The following NUP214 variants were observed in gnomAD, a reference collection of about 807,000 sequenced individuals.
NUP214 encodes nuclear pore complex protein Nup214.
In NUP214, 79 loss-of-function variants were observed where a neutral mutation model predicts 196.2. The ratio of observed to expected loss-of-function variants is 0.40; its 90% CI spans 0.34 to 0.49. The LOEUF (loss-of-function observed/expected upper bound fraction) is 0.49, where lower values mean the gene tolerates loss of function less well. NUP214 is among the 20% of genes least tolerant of loss of function. NUP214 has a pLI of 0.58. For missense variants in NUP214, 2,468 were observed against 2,539.0 expected (o/e 0.97, Z 0.60); for synonymous variants, 1,020 against 990.5 (o/e 1.03, Z -0.56).
intron 15 of NUP214, 42 bp from the exon 16 acceptor site, chr9:131,150,574 T>G: frequency 1.2e-6 from 2 of 1,604,050 alleles, no homozygotes; most frequent in Non-Finnish European, 1.7e-6. Context: ...CATTACTGTT[T>G]GTCCTTCAGA....
rs545584275 is a variant in NUP214, at chr9:131,173,537, T to C, written c.2894-518T>C. Among the ~76,000 whole-genome samples, 27 of 151,200 alleles carry C rather than the reference T, an allele frequency of 1.8e-4. No individual in the cohort carries two copies. In the South Asian group the frequency reaches 5.6e-3, roughly 32 times the overall value. ...CTGACCCACTGCACCCAGTCTCTTG[T>C]ATTTTTTTTTTTTAAACCTAATTGT... is the stretch of plus-strand genomic sequence containing the variant. On this transcript the variant is annotated intron_variant, in intron 21 of 35. Coordinates refer to ENST00000359428, the MANE Select transcript of NUP214 (RefSeq NM_005085.4).
Position 131,144,430 on chromosome 9 carries a change from T to C in NUP214, c.1445T>C (p.Phe482Ser), listed in dbSNP as rs751880255. Reference sequence around the variant, plus strand: ...CCTGCTGGTGGAGCCCCCACTGTGTTCTCCTTTGGTTCTTCATCTTTGAAG... The same window carrying C: ...CCTGCTGGTGGAGCCCCCACTGTGTCCTCCTTTGGTTCTTCATCTTTGAAG... ...LLPAGGAPTV[F>S]SFGSSSLKSS... The change falls in exon 12 of 36, where the codon TTC becomes TCC. Residue 482 changes from phenylalanine to serine, a missense_variant. Coordinates refer to ENST00000359428, the MANE Select transcript of NUP214 (RefSeq NM_005085.4). 2 of 1,614,144 alleles carry C rather than the reference T, an allele frequency of 1.2e-6. No homozygotes were observed. The highest frequency in any genetic ancestry group is 1.7e-6 in the Non-Finnish European group (2 of 1,180,010).
chr9:131,194,205 C>CA (rs11463043), intron 27 of NUP214: 128,989 of 140,456 alleles, frequency 0.92, 59,731 homozygotes, highest in East Asian at 0.99. Flanking sequence ...GATTCTGTCT[C>CA]AAAAAAAAAA....
intron 32 of NUP214, among the ~76,000 whole-genome samples, chr9:131,227,486 A>C (rs1834753388): frequency 6.6e-6 from 1 of 152,150 alleles, no homozygotes; most frequent in African/African-American, 2.4e-5. Flanking sequence ...GCATTTAAAA[A>C]AAAAAAAACA....
At position 131,138,797 on chromosome 9, in the gene NUP214, A is replaced by G. The variant is rs1831816665; in HGVS notation, c.1006-484A>G. 2.6e-5 allele frequency among the ~76,000 whole-genome samples: 4 copies of G among 152,342 alleles called. No individual in the cohort carries two copies. In the South Asian group the frequency reaches 8.3e-4, roughly 32 times the overall value. On this transcript the variant is annotated intron_variant, in intron 9 of 35. Coordinates refer to ENST00000359428, the MANE Select transcript of NUP214 (RefSeq NM_005085.4). ...AAGGTTATCTCTGTCTCTATAGACG[A>G]GTGAGCGCAGGGCATCTGAGCACAG...
intron 21 of NUP214, among the ~76,000 whole-genome samples, chr9:131,168,125 C>G (rs1416227925): frequency 6.6e-6 from 1 of 152,152 alleles, no homozygotes; most frequent in South Asian, 2.1e-4. Context: ...CCTGGCCTTA[C>G]GTGATCTTCC....
At position 131,234,102 on chromosome 9, in the gene NUP214, C is replaced by CGTGAGGCAGGACAGTGCT. The variant is rs1355764422; in HGVS notation, c.*617_*634dup. ...TTCAGTACAGTACAATAGTAGCCAG[C>CGTGAGGCAGGACAGTGCT]GTGAGGCAGGACAGTGCTGCGCCTT... On this transcript the variant is annotated 3_prime_UTR_variant, in exon 36 of 36. Coordinates refer to ENST00000359428, the MANE Select transcript of NUP214 (RefSeq NM_005085.4). 1 of 234,700 alleles carries CGTGAGGCAGGACAGTGCT rather than the reference C, an allele frequency of 4.3e-6. No homozygotes were observed. The highest frequency in any genetic ancestry group is 2.2e-5 in the African/African-American group (1 of 45,356). 14.5% of individuals were successfully genotyped at this position (234,700 alleles called of 1,614,324 possible). A position where few individuals can be genotyped will look rare whatever the true frequency, so the allele number is the denominator to read the frequency against.
At chr9:131,174,425 C>T (rs142169851) in intron 22 of NUP214, 107 bp downstream of exon 22, 20,959 of 971,550 alleles carry the variant, frequency 0.022, 391 homozygotes, top group South Asian at 0.024. Flanking sequence ...TGGTTGGCTC[C>T]AGCCCACTTT....
At chr9:131,218,334 G>C (rs892771175) in intron 31 of NUP214, among the ~76,000 whole-genome samples, 4 of 152,228 alleles carry the variant, frequency 2.6e-5, no homozygotes, top group Non-Finnish European at 4.4e-5. Flanking sequence ...GAACAGTGGA[G>C]AAGGAAGAGC....
intron 32 of NUP214, among the ~76,000 whole-genome samples, 174 bp from the exon 33 acceptor site, chr9:131,227,986 G>T (rs888608591): frequency 7.4e-6 from 1 of 135,350 alleles, no homozygotes; most frequent in Non-Finnish European, 1.6e-5. Flanking sequence ...ATAGAAGGGC[G>T]GGGGGGAGGG....
Position 131,125,926 on chromosome 9 carries a change from G to T in NUP214, c.45+177G>T, listed in dbSNP as rs1365531351. ...TGGCGTGATAGCCCCACCGAATGCAGTTTCCCAGTCCCATCCTGGTCTCGT... is the reference window on the plus strand; with the variant it reads ...TGGCGTGATAGCCCCACCGAATGCATTTTCCCAGTCCCATCCTGGTCTCGT... On this transcript the variant is annotated intron_variant, in intron 1 of 35. Coordinates refer to ENST00000359428, the MANE Select transcript of NUP214 (RefSeq NM_005085.4). This position sits in a 1 kb window ranked among gnomAD's most constrained non-coding sequence, Gnocchi z 4.1. 2 of 735,396 alleles carry T rather than the reference G, an allele frequency of 2.7e-6. No individual in the cohort carries two copies. Among genetic ancestry groups the T allele is most frequent in the Non-Finnish European group, 4.5e-6 (2 of 441,768 alleles). The allele number at this position is 735,396 out of a possible 1,614,324, so 45.6% of individuals were successfully genotyped here. A position where few individuals can be genotyped will look rare whatever the true frequency, so the allele number is the denominator to read the frequency against.
At chr9:131,159,278 G>T (rs905246995) in intron 17 of NUP214, 105 bp from the exon 18 acceptor site, 1 of 741,192 alleles carries the variant, frequency 1.3e-6, no homozygotes. Flanking sequence ...GTTCATTATG[G>T]TTCTTAATAT....
chr9:131,162,248 C>T (rs937767319), intron 18 of NUP214, among the ~76,000 whole-genome samples: 1 of 152,126 alleles, frequency 6.6e-6, no homozygotes, highest in African/African-American at 2.4e-5. Context: ...ACCAAAATGT[C>T]GTTATGTGGC....
chr9:131,187,130 C>A, intron 24 of NUP214, 159 bp from the exon 25 acceptor site: 2 of 594,792 alleles, frequency 3.4e-6, no homozygotes, highest in Admixed American at 3.0e-5. Flanking sequence ...TAAAATTTAT[C>A]CTTCAAAAAA....
At chr9:131,126,925 T>C (rs1831375858) in intron 1 of NUP214, 1 of 152,202 alleles carries the variant, frequency 6.6e-6, no homozygotes, top group African/African-American at 2.4e-5. Flanking sequence ...TCCTCAGATA[T>C]GCTGGGGTAG....
rs201995388 is a variant in NUP214, at chr9:131,151,725, A to G, written c.2278-11A>G. 5.5e-5 allele frequency: 88 copies of G among 1,596,802 alleles called. No individual in the cohort carries two copies. Among genetic ancestry groups the G allele is most frequent in the Non-Finnish European group, 7.3e-5 (86 of 1,175,026 alleles). ...ACTTTTTGTACCAACACATTATTGT[A>G]CTTTTTCTAGTCGCTTCATGGAGAT... On this transcript the variant is annotated splice_polypyrimidine_tract_variant and intron_variant, in intron 16 of 35. Coordinates refer to ENST00000359428, the MANE Select transcript of NUP214 (RefSeq NM_005085.4).
At chr9:131,215,479 G>T in intron 31 of NUP214, 111 bp downstream of exon 31, 6 of 1,216,618 alleles carry the variant, frequency 4.9e-6, no homozygotes, top group Non-Finnish European at 6.6e-6. Context: ...AATCTAGAAG[G>T]CTCATTTAAA....
chr9:131,186,228 T>C (rs1405331497), intron 24 of NUP214, among the ~76,000 whole-genome samples: 2 of 152,228 alleles, frequency 1.3e-5, no homozygotes, highest in African/African-American at 4.8e-5. Context: ...TCCAGAGAGA[T>C]GCATATTTAT....
At chr9:131,226,836 A>C (rs557071760) in intron 32 of NUP214, among the ~76,000 whole-genome samples, 1 of 152,324 alleles carries the variant, frequency 6.6e-6, no homozygotes, top group African/African-American at 2.4e-5. Context: ...TTCAGCTGAC[A>C]ACTTTTCATA....
Sources: gnomAD v4.1 joint callset for allele counts (sites outside exome capture counted in the v4.1 genomes callset) on GRCh38, gnomAD v4.1.1 for gene constraint, Gnocchi (gnomAD v3.1) non-coding constraint, MANE v1.5 for transcripts, NCBI Gene and HGNC (gene_info 2026-07-23, HGNC 2026-07-21) for gene names.